The following GMDS variants were observed in gnomAD, a reference collection of about 807,000 sequenced individuals.
GMDS encodes the protein GDP-mannose 4,6 dehydratase.
In GMDS, 20 loss-of-function variants were observed where a neutral mutation model predicts 49.9. The ratio of observed to expected loss-of-function variants is 0.40; its 90% CI spans 0.28 to 0.58. The LOEUF (loss-of-function observed/expected upper bound fraction) is 0.58. GMDS is among the 20% of genes least tolerant of loss of function. The probability of loss-of-function intolerance (pLI) is 0.42; values close to 1 mark genes in which losing one functional copy is unlikely to be tolerated. For synonymous variants in GMDS, 177 were observed against 178.6 expected (o/e 0.99, Z 0.07); for missense variants, 362 against 481.4 (o/e 0.75, Z 2.32).
chr6:2,234,183 T>C (rs1049590822), intron 1 of GMDS, among the ~76,000 whole-genome samples: 1 of 152,220 alleles, frequency 6.6e-6, no homozygotes, highest in African/African-American at 2.4e-5. Context: ...AATCAGTAGC[T>C]AAGTCCTTTT....
intron 9 of GMDS, among the ~76,000 whole-genome samples, chr6:1,670,558 G>C (rs892848488): frequency 6.6e-6 from 1 of 152,076 alleles, no homozygotes; most frequent in Non-Finnish European, 1.5e-5. Flanking sequence ...TCTACACCGG[G>C]ATAAGACAGA....
At chr6:2,233,772 C>A (rs1283037044) in intron 1 of GMDS, among the ~76,000 whole-genome samples, 1 of 152,186 alleles carries the variant, frequency 6.6e-6, no homozygotes, top group Non-Finnish European at 1.5e-5. Flanking sequence ...TTGCAGTGGG[C>A]AGTGATCGCG....
At chr6:2,019,933 T>C (rs1019345210) in intron 4 of GMDS, among the ~76,000 whole-genome samples, 2 of 152,238 alleles carry the variant, frequency 1.3e-5, no homozygotes, top group African/African-American at 4.8e-5. Flanking sequence ...CTGAGATAAA[T>C]CCCACTTGGT....
At chr6:1,961,024 G>C (rs1235663081) in intron 4 of GMDS, 58 bp from the exon 5 acceptor site, 2 of 1,003,056 alleles carry the variant, frequency 2.0e-6, no homozygotes, top group Non-Finnish European at 2.9e-6. Context: ...CAAAGGTGCT[G>C]TCAGCAGGAA....
chr6:1,849,491 C>T (rs1272349748), intron 7 of GMDS, among the ~76,000 whole-genome samples: 2 of 152,146 alleles, frequency 1.3e-5, no homozygotes, highest in Non-Finnish European at 2.9e-5. Context: ...GCAAACAGCA[C>T]TGTTATTTCT....
At chr6:1,898,135 TGGCCTCCCTTGCCATCCTGGACACCTAC>T (rs1415863247) in intron 7 of GMDS, among the ~76,000 whole-genome samples, 15 of 131,824 alleles carry the variant, frequency 1.1e-4, no homozygotes, top group African/African-American at 2.2e-4. Context: ...ACACCTACCC[TGGCCTCCCTTGCCATCCTGGACACCTAC>T]CCTGGCCTCC....
intron 7 of GMDS, among the ~76,000 whole-genome samples, chr6:1,812,873 T>G (rs1348175769): frequency 6.6e-6 from 1 of 152,352 alleles, no homozygotes; most frequent in East Asian, 1.9e-4. Flanking sequence ...CAGAAATTTA[T>G]TTTTGTTAGT....
At chr6:2,141,878 C>CTCT (rs1190947145) in intron 1 of GMDS, among the ~76,000 whole-genome samples, 1 of 151,372 alleles carries the variant, frequency 6.6e-6, no homozygotes, top group Non-Finnish European at 1.5e-5. Flanking sequence ...CTCTCTCTCT[C>CTCT]TCTCTCTCTC....
chr6:2,210,429 A>T (rs1464211498), intron 1 of GMDS, among the ~76,000 whole-genome samples: 1 of 152,240 alleles, frequency 6.6e-6, no homozygotes, highest in African/African-American at 2.4e-5. Context: ...CAAGTTATCT[A>T]ACAAAATCCC....
At chr6:1,980,756 G>A (rs936631330) in intron 4 of GMDS, among the ~76,000 whole-genome samples, 2 of 152,056 alleles carry the variant, frequency 1.3e-5, no homozygotes, top group African/African-American at 4.8e-5. Flanking sequence ...ATAGCCACGT[G>A]AGACTTACTC....
chr6:1,634,677 G>T (rs1763089677), intron 9 of GMDS, among the ~76,000 whole-genome samples: 1 of 152,064 alleles, frequency 6.6e-6, no homozygotes, highest in Admixed American at 6.6e-5. Context: ...AAGTGCTGGG[G>T]GCATATGCTG....
At chr6:1,749,942 C>T (rs1413621490) in intron 7 of GMDS, among the ~76,000 whole-genome samples, 5 of 152,138 alleles carry the variant, frequency 3.3e-5, no homozygotes, top group African/African-American at 1.2e-4. Flanking sequence ...AGTGATCCTC[C>T]AGCTTCAGCC....
At chr6:1,904,549 C>A (rs952441910) in intron 7 of GMDS, among the ~76,000 whole-genome samples, 12 of 152,216 alleles carry the variant, frequency 7.9e-5, no homozygotes, top group Non-Finnish European at 1.5e-5. Flanking sequence ...ATTTAACGAA[C>A]GAATTTGTTT....
At chr6:2,187,674 A>G (rs1267900519) in intron 1 of GMDS, among the ~76,000 whole-genome samples, 1 of 152,258 alleles carries the variant, frequency 6.6e-6, no homozygotes, top group Non-Finnish European at 1.5e-5. Context: ...GACACATCAA[A>G]CGAGTAGAAC....
chr6:2,192,132 C>T (rs1404396133), intron 1 of GMDS, among the ~76,000 whole-genome samples: 1 of 152,172 alleles, frequency 6.6e-6, no homozygotes, highest in Non-Finnish European at 1.5e-5. Context: ...AAGCCACCCA[C>T]TCTAGGGCCT....
At chr6:2,042,846 G>A (rs745843614) in intron 4 of GMDS, among the ~76,000 whole-genome samples, 2 of 152,120 alleles carry the variant, frequency 1.3e-5, no homozygotes, top group East Asian at 3.8e-4. Context: ...ACTCGGACTC[G>A]TTTCCTTAAA....
At position 1,730,524 on chromosome 6, in the gene GMDS, C is replaced by T. The variant is rs138602331; in HGVS notation, c.891-4012G>A. 2.0e-4 allele frequency among the ~76,000 whole-genome samples: 31 copies of T among 152,322 alleles called. No homozygotes were observed. The East Asian group carries it at 5.6e-3, about 28-fold the overall frequency. ...CTGATTCCCTCCCCGACACTCACTG[C>T]CTCACCCTCCCTGAGGTAGAAGGTG... is the stretch of plus-strand genomic sequence containing the variant. On this transcript the variant is annotated intron_variant, in intron 8 of 10. Transcript: ENST00000380815.
At chr6:2,070,844 C>T (rs2127458688) in intron 4 of GMDS, among the ~76,000 whole-genome samples, 1 of 152,304 alleles carries the variant, frequency 6.6e-6, no homozygotes, top group Non-Finnish European at 1.5e-5. Flanking sequence ...AAAGGATTCC[C>T]ATCAGAGTGT....
intron 7 of GMDS, among the ~76,000 whole-genome samples, chr6:1,776,474 G>A (rs1050367180): frequency 5.3e-5 from 8 of 151,668 alleles, no homozygotes; most frequent in Non-Finnish European, 1.5e-5. Context: ...GATCACTTGA[G>A]GCCAGGAGTT....
Sources: gnomAD v4.1 joint callset for allele counts (sites outside exome capture counted in the v4.1 genomes callset) on GRCh38, gnomAD v4.1.1 for gene constraint, MANE v1.5 for transcripts, NCBI Gene and HGNC (gene_info 2026-07-23, HGNC 2026-07-21) for gene names.